Variants in TAS2R3 observed in about 807,000 individuals in gnomAD.
TAS2R3 encodes taste 2 receptor member 3.
In TAS2R3, 10 loss-of-function variants were observed where a neutral mutation model predicts 15.3. The observed-to-expected ratio is 0.65, with a 90% CI of 0.40 to 1.11. The LOEUF is 1.11. TAS2R3 is among the 50% of genes least tolerant of loss of function. The pLI, the probability that TAS2R3 is intolerant of heterozygous loss-of-function variation, is 0.00. For synonymous variants in TAS2R3, 162 were observed against 141.3 expected (o/e 1.15, Z -1.04); for missense variants, 383 against 370.3 (o/e 1.03, Z -0.28).
rs1371174428 is a variant in TAS2R3 at position 141,765,079 on chromosome 7, G to T, written c.921G>T (p.Lys307Asn). Residue 307 changes from lysine to asparagine, a missense_variant, in exon 1 of 1, where the codon AAG becomes AAT. Transcript: ENST00000247879. ...VMLRCESGHL[K>N]PGSKGPIFS ...TCCGGTGTGAGTCTGGTCATCTGAA[G>T]CCTGGATCCAAGGGACCCATTTTCT... 1 of 1,613,380 alleles carries T rather than the reference G, an allele frequency of 6.2e-7. No individual in the cohort carries two copies. The highest frequency in any genetic ancestry group is 8.5e-7 in the Non-Finnish European group (1 of 1,179,594).
Position 141,764,355 on chromosome 7 carries a change from G to T in TAS2R3, c.197G>T (p.Ser66Ile). Reference protein sequence around the residue: ...IILLCIILTDSFLIEFSPNTH... With the variant: ...IILLCIILTDIFLIEFSPNTH... ...CTGCTGTGTATTATCTTGACTGATA[G>T]TTTTTTAATAGAATTCTCTCCCAAC... Residue 66 changes from serine (S) to isoleucine (I), a missense_variant, in exon 1 of 1, where the codon AGT (serine) becomes ATT (isoleucine). Transcript: ENST00000247879. 6.2e-7 allele frequency: 1 copy of T among 1,614,148 alleles called. No homozygotes were observed. Among genetic ancestry groups the T allele is most frequent in the Non-Finnish European group, 8.5e-7 (1 of 1,180,030 alleles).
Position 141,764,514 on chromosome 7 carries a change from T to G in TAS2R3, c.356T>G (p.Phe119Cys), listed in dbSNP as rs1178534762. The G allele has an allele frequency of 1.2e-6, 2 of 1,614,144 alleles. No individual in the cohort carries two copies. The highest frequency in any genetic ancestry group is 1.7e-6 in the Non-Finnish European group (2 of 1,180,012). ...LKIASFSHPT[F>C]LWLKWRVSRV... ...ATCGCCAGTTTCTCTCACCCCACAT[T>G]CCTCTGGCTCAAGTGGAGAGTTTCT... The change falls in exon 1 of 1, where the codon TTC becomes TGC. Residue 119 changes from phenylalanine (F) to cysteine (C), a missense_variant. Coordinates refer to ENST00000247879, the MANE Select transcript of TAS2R3 (RefSeq NM_016943.2).
Position 141,764,320 on chromosome 7 carries a change from G to A in TAS2R3, c.162G>A (p.Leu54=), listed in dbSNP as rs369508161. Reference sequence around the variant, plus strand: ...TCATCATCACCACCCTGGCACTCTTGAGGATCATTCTGCTGTGTATTATCT... The same window carrying A: ...TCATCATCACCACCCTGGCACTCTTAAGGATCATTCTGCTGTGTATTATCT... ...SDFIITTLAL[L]RIILLCIILT... is the part of the protein sequence containing the mutation. The change falls in exon 1 of 1, where the codon TTG becomes TTA. Residue 54 remains leucine (L), a synonymous_variant. Coordinates refer to ENST00000247879, the MANE Select transcript of TAS2R3 (RefSeq NM_016943.2). 35 of 1,614,092 alleles carry A rather than the reference G, an allele frequency of 2.2e-5. No homozygotes were observed. Among genetic ancestry groups the A allele is most frequent in the Non-Finnish European group, 2.9e-5 (34 of 1,180,050 alleles).
In TAS2R3 at chr7:141,764,124, G is replaced by C; in HGVS notation, c.-35G>C. 2 of 1,576,082 alleles carry C rather than the reference G, an allele frequency of 1.3e-6. No individual in the cohort carries two copies. The highest frequency in any genetic ancestry group is 2.3e-5 in the South Asian group (2 of 85,774). On this transcript the variant is annotated 5_prime_UTR_variant, in exon 1 of 1. Transcript: ENST00000247879. Reference sequence around the variant, plus strand: ...AGTGAGGAGATTCTATGTATCAACAGAAAGAACAAAGATCAGGGCTGCCTA... The same window carrying C: ...AGTGAGGAGATTCTATGTATCAACACAAAGAACAAAGATCAGGGCTGCCTA...
In TAS2R3 at chr7:141,764,504, C is replaced by T. The variant is rs749951953; in HGVS notation, c.346C>T (p.His116Tyr). 2 of 1,614,158 alleles carry T rather than the reference C, an allele frequency of 1.2e-6. No homozygotes were observed. Among genetic ancestry groups the T allele is most frequent in the East Asian group, 2.2e-5 (1 of 44,884 alleles). Residue 116 changes from histidine to tyrosine, a missense_variant, in exon 1 of 1, where the codon CAC becomes TAC. His to Tyr is a moderately conservative substitution (Grantham distance 83). Transcript: ENST00000247879. ...LYCLKIASFS[H>Y]PTFLWLKWRV... ...CTGCCTGAAAATCGCCAGTTTCTCT[C>T]ACCCCACATTCCTCTGGCTCAAGTG...
Position 141,765,140 on chromosome 7 carries a change from A to C in TAS2R3, c.*31A>C. ...CAGAGGGCATGGGGTGGAGCCCTTG[A>C]GCCTTTTGGCCTGGCTCAAGACTAC... On this transcript the variant is annotated 3_prime_UTR_variant, in exon 1 of 1. Coordinates refer to ENST00000247879, the MANE Select transcript of TAS2R3 (RefSeq NM_016943.2). The C allele has an allele frequency of 6.4e-7, 1 of 1,568,636 alleles. No homozygotes were observed. Among genetic ancestry groups the C allele is most frequent in the Non-Finnish European group, 8.6e-7 (1 of 1,160,414 alleles).
At position 141,765,193 on chromosome 7, in the gene TAS2R3, C is replaced by G; in HGVS notation, c.*84C>G. On this transcript the variant is annotated 3_prime_UTR_variant, in exon 1 of 1. Transcript: ENST00000247879. ...GACTCTTCCTGACCTTCCTATGTTACCAGTTCCATAACATCAGTAGGAGAG... is the reference window on the plus strand; with the variant it reads ...GACTCTTCCTGACCTTCCTATGTTAGCAGTTCCATAACATCAGTAGGAGAG... 7.2e-7 allele frequency: 1 copy of G among 1,391,272 alleles called. No homozygotes were observed. Among genetic ancestry groups the G allele is most frequent in the African/African-American group, 1.4e-5 (1 of 69,226 alleles). The allele number at this position is 1,391,272 out of a possible 1,614,324, so 86.2% of individuals were successfully genotyped here. A position where few individuals can be genotyped will look rare whatever the true frequency, so the allele number is the denominator to read the frequency against.
Position 141,764,116 on chromosome 7 carries a change from T to TATC in TAS2R3, c.-41_-39dup, listed in dbSNP as rs1215092757. On this transcript the variant is annotated 5_prime_UTR_variant, in exon 1 of 1. Coordinates refer to ENST00000247879, the MANE Select transcript of TAS2R3 (RefSeq NM_016943.2). Reference sequence around the variant, plus strand: ...ATCACATCAGTGAGGAGATTCTATGTATCAACAGAAAGAACAAAGATCAGG... The same window carrying TATC: ...ATCACATCAGTGAGGAGATTCTATGTATCATCAACAGAAAGAACAAAGATCAGG... The TATC allele has an allele frequency of 2.5e-6, 4 of 1,569,096 alleles. No individual in the cohort carries two copies.
chr7:141,764,703 A>G lies in TAS2R3; in HGVS notation c.545A>G (p.His182Arg). ...RKKRSEYYLIHVLGTLWYLPP... is the reference protein window; with the variant it reads ...RKKRSEYYLIRVLGTLWYLPP... ...AAGAGGAGTGAGTATTATCTGATCC[A>G]TGTTCTTGGGACTCTGTGGTACCTG... The change falls in exon 1 of 1, where the codon CAT becomes CGT. Residue 182 changes from histidine to arginine, a missense_variant. By Grantham distance (29) the His-to-Arg change is conservative. Coordinates refer to ENST00000247879, the MANE Select transcript of TAS2R3 (RefSeq NM_016943.2). The G allele has an allele frequency of 4.3e-6, 7 of 1,614,024 alleles. No homozygotes were observed. The highest frequency in any genetic ancestry group is 4.5e-5 in the East Asian group (2 of 44,864).
Position 141,764,250 on chromosome 7 carries a change from A to G in TAS2R3, c.92A>G (p.Asn31Ser), listed in dbSNP as rs150526664. ...ILVNCFIELV[N>S]GSSWFKTKRM... ...GTCAATTGTTTCATTGAGTTGGTCA[A>G]TGGTAGCAGCTGGTTCAAGACCAAG... The change falls in exon 1 of 1, where the codon AAT becomes AGT. Residue 31 changes from asparagine to serine, a missense_variant. Transcript: ENST00000247879. 291 of 1,614,198 alleles carry G rather than the reference A, an allele frequency of 1.8e-4. No homozygotes were observed. The African/African-American group carries it at 3.5e-3, about 20-fold the overall frequency.
Position 141,764,816 on chromosome 7 carries a change from A to T in TAS2R3, c.658A>T (p.Ser220Cys). 1 of 1,614,112 alleles carries T rather than the reference A, an allele frequency of 6.2e-7. No homozygotes were observed. Among genetic ancestry groups the T allele is most frequent in the South Asian group, 1.1e-5 (1 of 91,084 alleles). The change falls in exon 1 of 1, where the codon AGC (serine) becomes TGC (cysteine). Residue 220 changes from serine (S) to cysteine (C), a missense_variant. Physicochemically the swap from Ser to Cys is moderately radical, Grantham distance 112. Transcript: ENST00000247879. ...HTRQMLQNGT[S>C]SRDPTTEAHK... ...ACGGCAGATGCTGCAAAATGGGACAAGCTCCAGAGATCCAACCACTGAGGC... is the reference window on the plus strand; with the variant it reads ...ACGGCAGATGCTGCAAAATGGGACATGCTCCAGAGATCCAACCACTGAGGC...
Position 141,764,354 on chromosome 7 carries a change from A to G in TAS2R3, c.196A>G (p.Ser66Gly). ...TCTGCTGTGTATTATCTTGACTGAT[A>G]GTTTTTTAATAGAATTCTCTCCCAA... ...IILLCIILTD[S>G]FLIEFSPNTH... The change falls in exon 1 of 1, where the codon AGT (serine) becomes GGT (glycine). Residue 66 changes from serine to glycine, a missense_variant. By Grantham distance (56) the Ser-to-Gly change is moderately conservative. Coordinates refer to ENST00000247879, the MANE Select transcript of TAS2R3 (RefSeq NM_016943.2). 6.2e-7 allele frequency: 1 copy of G among 1,614,170 alleles called. No homozygotes were observed. Among genetic ancestry groups the G allele is most frequent in the Non-Finnish European group, 8.5e-7 (1 of 1,180,036 alleles).
rs768115368 is a variant in TAS2R3 at position 141,765,022 on chromosome 7, C to T, written c.864C>T (p.Asn288=). The T allele has an allele frequency of 1.9e-6, 3 of 1,614,194 alleles. No individual in the cohort carries two copies. The highest frequency in any genetic ancestry group is 2.5e-6 in the Non-Finnish European group (3 of 1,180,030). ...ACTCATTTATTCTCATTCTGGGGAA[C>T]AGTAAGCTGAAGCAGACATTTGTAG... The part of the protein sequence containing the change: ...AGHSFILILG[N]SKLKQTFVVM... The change falls in exon 1 of 1, where the codon AAC becomes AAT. Residue 288 remains asparagine (N), a synonymous_variant. Transcript: ENST00000247879.
rs746411786 is a variant in TAS2R3, at chr7:141,764,297, A to G, written c.139A>G (p.Ile47Val). 6 of 1,614,110 alleles carry G rather than the reference A, an allele frequency of 3.7e-6. No individual in the cohort carries two copies. Among genetic ancestry groups the G allele is most frequent in the Admixed American group, 1.7e-5 (1 of 60,008 alleles). The change falls in exon 1 of 1, where the codon ATC becomes GTC. Residue 47 changes from isoleucine to valine, a missense_variant. By Grantham distance (29) the Ile-to-Val change is conservative (BLOSUM62 3). Transcript: ENST00000247879. ...CAAGAGAATGTCTTTGTCTGACTTCATCATCACCACCCTGGCACTCTTGAG... is the reference window on the plus strand; with the variant it reads ...CAAGAGAATGTCTTTGTCTGACTTCGTCATCACCACCCTGGCACTCTTGAG... ...KTKRMSLSDFIITTLALLRII... is the reference protein window; with the variant it reads ...KTKRMSLSDFVITTLALLRII...
At chr7:141,764,285 TTGTC>T in the TAS2R3 span, 6 of 1,614,196 alleles carry the variant, frequency 3.7e-6, no homozygotes, top group East Asian at 2.2e-5. Context: ...GAGAATGTCT[TTGTC>T]TGACTTCATC....
rs374504252 is a variant in TAS2R3 at position 141,764,186 on chromosome 7, C to T, written c.28C>T (p.Leu10=). Residue 10 remains leucine (L), a synonymous_variant, in exon 1 of 1, where the codon CTG becomes TTG. Coordinates refer to ENST00000247879, the MANE Select transcript of TAS2R3 (RefSeq NM_016943.2). ...GATGGGACTCACCGAGGGGGTGTTC[C>T]TGATTCTGTCTGGCACTCAGTTCAC... The part of the protein sequence containing the change: MMGLTEGVF[L]ILSGTQFTLG... The T allele has an allele frequency of 1.1e-5, 18 of 1,613,684 alleles. No individual in the cohort carries two copies. The African/African-American group carries it at 2.1e-4, about 19-fold the overall frequency.
chr7:141,764,511 C>T lies in TAS2R3; in HGVS notation c.353C>T (p.Thr118Ile). 6.2e-7 allele frequency: 1 copy of T among 1,614,200 alleles called. No individual in the cohort carries two copies. Among genetic ancestry groups the T allele is most frequent in the Non-Finnish European group, 8.5e-7 (1 of 1,180,036 alleles). ...AAAATCGCCAGTTTCTCTCACCCCA[C>T]ATTCCTCTGGCTCAAGTGGAGAGTT... Reference protein sequence around the residue: ...CLKIASFSHPTFLWLKWRVSR... With the variant: ...CLKIASFSHPIFLWLKWRVSR... Residue 118 changes from threonine to isoleucine, a missense_variant, in exon 1 of 1, where the codon ACA (threonine) becomes ATA (isoleucine). Thr to Ile is a moderately conservative substitution (Grantham distance 89). Coordinates refer to ENST00000247879, the MANE Select transcript of TAS2R3 (RefSeq NM_016943.2).
At position 141,765,021 on chromosome 7, in the gene TAS2R3, A is replaced by G. The variant is rs544840677; in HGVS notation, c.863A>G (p.Asn288Ser). ...CACTCATTTATTCTCATTCTGGGGAACAGTAAGCTGAAGCAGACATTTGTA... is the reference window on the plus strand; with the variant it reads ...CACTCATTTATTCTCATTCTGGGGAGCAGTAAGCTGAAGCAGACATTTGTA... ...AGHSFILILG[N>S]SKLKQTFVVM... is the part of the protein sequence containing the mutation. Residue 288 changes from asparagine (N) to serine (S), a missense_variant, in exon 1 of 1, where the codon AAC (asparagine) becomes AGC (serine). By Grantham distance (46) the Asn-to-Ser change is conservative. Transcript: ENST00000247879. The G allele has an allele frequency of 1.9e-5, 31 of 1,614,234 alleles. 1 individual carries two copies. In the South Asian group the frequency reaches 3.2e-4, roughly 17 times the overall value.
rs1452161271 is a variant in TAS2R3, at chr7:141,764,605, C to G, written c.447C>G (p.Ile149Met). 2 of 1,614,090 alleles carry G rather than the reference C, an allele frequency of 1.2e-6. No individual in the cohort carries two copies. Among genetic ancestry groups the G allele is most frequent in the South Asian group, 2.2e-5 (2 of 91,074 alleles). Residue 149 changes from isoleucine to methionine, a missense_variant, in exon 1 of 1, where the codon ATC becomes ATG. Coordinates refer to ENST00000247879, the MANE Select transcript of TAS2R3 (RefSeq NM_016943.2). ...LLSCGSTASL[I>M]NEFKLYSVFR... ...CCTGTGGTAGTACCGCATCTCTGAT[C>G]AATGAGTTTAAGCTCTATTCTGTCT...
Sources: allele counts gnomAD v4.1 joint callset, GRCh38; gene constraint gnomAD v4.1.1; transcripts MANE v1.5; gene names NCBI Gene and HGNC (gene_info 2026-07-23, HGNC 2026-07-21).